Variants in NNT observed in about 807,000 individuals in gnomAD.
NNT encodes NAD(P) transhydrogenase, mitochondrial.
NNT carries 50 observed loss-of-function variants against 104.8 expected under a neutral mutation model. That is an observed-to-expected ratio of 0.48 (90% CI 0.38 to 0.60). The LOEUF (loss-of-function observed/expected upper bound fraction) is 0.60. NNT is among the 20% of genes least tolerant of loss of function. The probability of loss-of-function intolerance (pLI) is 0.00; values close to 1 mark genes in which losing one functional copy is unlikely to be tolerated. For synonymous variants in NNT, 461 were observed against 490.4 expected, an observed-to-expected ratio of 0.94 and a Z score of 0.79; for missense variants, 1,131 against 1,330.7, an observed-to-expected ratio of 0.85 and a Z score of 2.33.
rs564780994 is a variant in NNT, at chr5:43,657,598, C to T, written c.2454+785C>T. On this transcript the variant is annotated intron_variant, in intron 16 of 21. Transcript: ENST00000344920. Reference sequence around the variant, plus strand: ...ACTTACTGGCTCCTTGATTGAGAAACACCTAATTTATAGTGTAAAAATGAT... The same window carrying T: ...ACTTACTGGCTCCTTGATTGAGAAATACCTAATTTATAGTGTAAAAATGAT... Among the ~76,000 whole-genome samples the T allele has an allele frequency of 8.5e-5, 13 of 152,274 alleles. No individual in the cohort carries two copies. In the South Asian group the frequency reaches 2.7e-3, roughly 32 times the overall value.
chr5:43,681,423 A>G (rs899713029), intron 19 of NNT, among the ~76,000 whole-genome samples: 1 of 151,726 alleles, frequency 6.6e-6, no homozygotes, highest in African/African-American at 2.4e-5. Context: ...TTTGAGATGG[A>G]GTTTCACTCT....
chr5:43,675,972 G>A (rs1022821169), intron 18 of NNT, among the ~76,000 whole-genome samples: 1 of 151,572 alleles, frequency 6.6e-6, no homozygotes, highest in Non-Finnish European at 1.5e-5. Flanking sequence ...GTAATTTTTG[G>A]GCCCGTTGTC....
intron 19 of NNT, among the ~76,000 whole-genome samples, chr5:43,682,051 A>G (rs1252257849): frequency 6.6e-6 from 1 of 152,190 alleles, no homozygotes; most frequent in Non-Finnish European, 1.5e-5. Context: ...GTCTAAACAC[A>G]TCTAGCTGCC....
At chr5:43,609,533 C>T (rs1202367347) in intron 2 of NNT, among the ~76,000 whole-genome samples, 187 bp downstream of exon 2, 4 of 152,048 alleles carry the variant, frequency 2.6e-5, no homozygotes, top group Non-Finnish European at 5.9e-5. Flanking sequence ...TGATTTCCAG[C>T]GCTAACAGAG....
intron 1 of NNT, among the ~76,000 whole-genome samples, chr5:43,605,343 C>T (rs1347287161): frequency 6.6e-6 from 1 of 150,564 alleles, no homozygotes; most frequent in Non-Finnish European, 1.5e-5. Context: ...GGTGAAACCC[C>T]GTCTCTACTA....
intron 4 of NNT, among the ~76,000 whole-genome samples, chr5:43,618,494 T>G (rs1749900801): frequency 6.6e-6 from 1 of 152,208 alleles, no homozygotes; most frequent in Non-Finnish European, 1.5e-5. Context: ...CCTAATTTTT[T>G]TTATTTTAAG....
At chr5:43,703,011 C>G (rs937340935) in intron 21 of NNT, among the ~76,000 whole-genome samples, 2 of 152,134 alleles carry the variant, frequency 1.3e-5, no homozygotes, top group African/African-American at 4.8e-5. Flanking sequence ...GAGCTGTGAG[C>G]TTTTGTAATG....
rs1201819504 is a variant in NNT, at chr5:43,667,577, T to G, written c.2635-7934T>G. Among the ~76,000 whole-genome samples, 3 of 152,192 alleles carry G rather than the reference T, an allele frequency of 2.0e-5. No homozygotes were observed. The East Asian group carries it at 5.8e-4, about 29-fold the overall frequency. ...ATGATGGTTTCCAGCTTTATCCATG[T>G]CCCTACAAAGGACATGAACTCATCC... On this transcript the variant is annotated intron_variant, in intron 17 of 21. Transcript: ENST00000344920.
chr5:43,647,139 G>A (rs138897969), intron 10 of NNT, among the ~76,000 whole-genome samples: 1 of 152,302 alleles, frequency 6.6e-6, no homozygotes, highest in Non-Finnish European at 1.5e-5. Flanking sequence ...TGTGAGTCCA[G>A]ATGTTTTAAA....
chr5:43,637,342 A>G (rs912606226), intron 7 of NNT, among the ~76,000 whole-genome samples: 1 of 152,290 alleles, frequency 6.6e-6, no homozygotes, highest in African/African-American at 2.4e-5. Flanking sequence ...GCATACATAT[A>G]TGTATAAAAA....
chr5:43,627,438 C>A (rs1750430432), intron 6 of NNT, among the ~76,000 whole-genome samples: 1 of 151,992 alleles, frequency 6.6e-6, no homozygotes, highest in African/African-American at 2.4e-5. Flanking sequence ...TGGGAAGGGG[C>A]CTGGGAATTT....
In NNT at chr5:43,621,524, A is replaced by G. The variant is rs185788028; in HGVS notation, c.687+2405A>G. Among the ~76,000 whole-genome samples, 5 of 152,202 alleles carry G rather than the reference A, an allele frequency of 3.3e-5. No individual in the cohort carries two copies. In the East Asian group the frequency reaches 9.7e-4, roughly 29 times the overall value. On this transcript the variant is annotated intron_variant, in intron 5 of 21. Coordinates refer to ENST00000344920, the MANE Select transcript of NNT (RefSeq NM_182977.3). Reference sequence around the variant, plus strand: ...TAGTGAGGAGACAAAAGATCAAATAAATACCTGAGATAATTTTATTATTAT... The same window carrying G: ...TAGTGAGGAGACAAAAGATCAAATAGATACCTGAGATAATTTTATTATTAT...
At chr5:43,626,033 A>T (rs764814778) in intron 6 of NNT, among the ~76,000 whole-genome samples, 1 of 152,118 alleles carries the variant, frequency 6.6e-6, no homozygotes, top group Admixed American at 6.5e-5. Context: ...CAATTTATTT[A>T]ACTAGGCCTC....
intron 1 of NNT, among the ~76,000 whole-genome samples, chr5:43,604,614 C>T (rs1014657642): frequency 1.3e-5 from 2 of 152,094 alleles, no homozygotes; most frequent in Non-Finnish European, 2.9e-5. Flanking sequence ...AGAGTAATAC[C>T]AAAGTGAATA....
chr5:43,637,829 GGCAATGAGAT>G (rs1751014497), intron 7 of NNT, among the ~76,000 whole-genome samples: 1 of 152,130 alleles, frequency 6.6e-6, no homozygotes. Context: ...TTGTAGGTAG[GGCAATGAGAT>G]GCACCTCGGC....
At chr5:43,616,386 A>T (rs1403155773) in intron 4 of NNT, among the ~76,000 whole-genome samples, 2 of 152,220 alleles carry the variant, frequency 1.3e-5, no homozygotes, top group African/African-American at 4.8e-5. Context: ...TGTATATGTA[A>T]GGTTGAAGTT....
intron 21 of NNT, among the ~76,000 whole-genome samples, chr5:43,703,746 C>G (rs1742977714): frequency 6.6e-6 from 1 of 152,142 alleles, no homozygotes; most frequent in Admixed American, 6.5e-5. Context: ...TTAGTTATAG[C>G]TCTGCTATTG....
At chr5:43,692,993 T>C (rs1263475579) in intron 19 of NNT, among the ~76,000 whole-genome samples, 2 of 152,204 alleles carry the variant, frequency 1.3e-5, no homozygotes, top group African/African-American at 4.8e-5. Flanking sequence ...AGCCCTTTCC[T>C]CTTTTTAAAA....
At chr5:43,615,694 T>C (rs75116640) in intron 3 of NNT, among the ~76,000 whole-genome samples, 154 bp from the exon 4 acceptor site, 5 of 152,362 alleles carry the variant, frequency 3.3e-5, no homozygotes, top group Admixed American at 2.0e-4. Context: ...GTGTGTGCCT[T>C]ATATTGCTTA....
Sources: gnomAD v4.1 joint callset for allele counts (sites outside exome capture counted in the v4.1 genomes callset) on GRCh38, gnomAD v4.1.1 for gene constraint, MANE v1.5 for transcripts, NCBI Gene and HGNC (gene_info 2026-07-23, HGNC 2026-07-21) for gene names.